Variants in INPP5A observed in about 807,000 individuals in gnomAD.
INPP5A encodes inositol polyphosphate-5-phosphatase A, also known as 43 kDa inositol polyphosphate 5-phophatase.
INPP5A carries 14 observed loss-of-function variants against 65.2 expected under a neutral mutation model. The ratio of observed to expected loss-of-function variants is 0.21; its 90% CI spans 0.14 to 0.34. The LOEUF (loss-of-function observed/expected upper bound fraction) is 0.34. Ranked by LOEUF, INPP5A falls within the 10% of genes least tolerant of loss-of-function variation. The pLI is 1.00. For missense variants in INPP5A, 431 were observed against 545.6 expected, an observed-to-expected ratio of 0.79 and a Z score of 2.09; for synonymous variants, 207 against 208.3, an observed-to-expected ratio of 0.99 and a Z score of 0.05.
chr10:132,633,937 A>G (rs1427375549), intron 2 of INPP5A, among the ~76,000 whole-genome samples: 1 of 152,240 alleles, frequency 6.6e-6, no homozygotes, highest in East Asian at 1.9e-4. Flanking sequence ...GTTCTGCTTC[A>G]GACCCCTCCA....
intron 2 of INPP5A, among the ~76,000 whole-genome samples, chr10:132,617,615 T>C (rs1195428851): frequency 6.6e-6 from 1 of 152,208 alleles, no homozygotes; most frequent in Admixed American, 6.5e-5. Flanking sequence ...ACCTTCTTCC[T>C]GTTGACAAAG....
intron 11 of INPP5A, among the ~76,000 whole-genome samples, chr10:132,760,003 C>T (rs1000191039): frequency 6.6e-6 from 1 of 152,258 alleles, no homozygotes; most frequent in Admixed American, 6.5e-5. Flanking sequence ...GACCCCACGC[C>T]GTGGACCCTG....
chr10:132,684,712 C>T (rs2073093365), intron 4 of INPP5A, among the ~76,000 whole-genome samples: 1 of 152,230 alleles, frequency 6.6e-6, no homozygotes, highest in African/African-American at 2.4e-5. Context: ...TGCTTTCACC[C>T]TAATGAGGAC....
At chr10:132,713,035 C>T (rs574050130) in intron 8 of INPP5A, among the ~76,000 whole-genome samples, 21 of 148,174 alleles carry the variant, frequency 1.4e-4, no homozygotes, top group South Asian at 4.3e-4. Context: ...TGTATGTGTG[C>T]GTGTGTGTGG....
At chr10:132,708,497 C>T (rs536594928) in intron 7 of INPP5A, 132 bp downstream of exon 7, 12 of 860,970 alleles carry the variant, frequency 1.4e-5, no homozygotes, top group East Asian at 2.4e-5. Context: ...CTGCCTGACC[C>T]CCACCTGCCA....
intron 11 of INPP5A, among the ~76,000 whole-genome samples, chr10:132,750,685 G>A (rs1038502811): frequency 6.6e-6 from 1 of 152,214 alleles, no homozygotes; most frequent in Non-Finnish European, 1.5e-5. Context: ...CTGTAAACAC[G>A]CCCACTGTGG....
chr10:132,594,846 C>T (rs1313181917), intron 1 of INPP5A, among the ~76,000 whole-genome samples: 1 of 152,168 alleles, frequency 6.6e-6, no homozygotes, highest in Non-Finnish European at 1.5e-5. Context: ...GTATGAGGTT[C>T]TCCATGGTTC....
At chr10:132,636,346 A>G (rs2072352624) in intron 2 of INPP5A, among the ~76,000 whole-genome samples, 1 of 152,186 alleles carries the variant, frequency 6.6e-6, no homozygotes, top group Non-Finnish European at 1.5e-5. Flanking sequence ...GGAGTGAGGG[A>G]TGAGAGTCAC....
chr10:132,666,197 A>G (rs934842621), intron 4 of INPP5A, among the ~76,000 whole-genome samples: 1 of 152,138 alleles, frequency 6.6e-6, no homozygotes, highest in Admixed American at 6.5e-5. Flanking sequence ...TTACTTCCTC[A>G]CTATGATTCA....
intron 1 of INPP5A, among the ~76,000 whole-genome samples, chr10:132,597,015 A>T (rs1590856608): frequency 1.7e-5 from 2 of 117,172 alleles, no homozygotes; most frequent in African/African-American, 7.2e-5. Context: ...ACGCTCCTGT[A>T]CGTGTGTGCA....
chr10:132,615,720 C>T (rs776032984), intron 2 of INPP5A, among the ~76,000 whole-genome samples: 1 of 152,160 alleles, frequency 6.6e-6, no homozygotes, highest in African/African-American at 2.4e-5. Context: ...GAGGTGGGCA[C>T]CCTTGCTTGA....
intron 1 of INPP5A, among the ~76,000 whole-genome samples, chr10:132,586,970 G>T (rs1409574148): frequency 6.6e-6 from 1 of 152,118 alleles, no homozygotes; most frequent in East Asian, 1.9e-4. Flanking sequence ...TTCATCATCT[G>T]TCGGCTTCTG....
intron 1 of INPP5A, among the ~76,000 whole-genome samples, chr10:132,564,983 A>G (rs1004578360): frequency 1.8e-4 from 28 of 152,342 alleles, no homozygotes; most frequent in African/African-American, 6.5e-4. Context: ...CAGTACCAAC[A>G]CCAACAAGCC....
chr10:132,721,791 G>A (rs1008223410), intron 8 of INPP5A, among the ~76,000 whole-genome samples: 8 of 152,088 alleles, frequency 5.3e-5, no homozygotes, highest in Admixed American at 2.6e-4. Context: ...GCTGTCTTGC[G>A]GGTTCTGTGG....
chr10:132,733,357 TA>T, intron 9 of INPP5A, among the ~76,000 whole-genome samples: 1 of 152,204 alleles, frequency 6.6e-6, no homozygotes, highest in African/African-American at 2.4e-5. Flanking sequence ...CACTGAACAC[TA>T]GCACAGAAAA....
intron 1 of INPP5A, among the ~76,000 whole-genome samples, chr10:132,588,619 C>G (rs1016077329): frequency 3.9e-5 from 6 of 152,270 alleles, no homozygotes; most frequent in Admixed American, 6.5e-5. Flanking sequence ...AGCGCCCACC[C>G]TGTGTCCCCA....
At chr10:132,596,412 G>A (rs554082806) in intron 1 of INPP5A, among the ~76,000 whole-genome samples, 2 of 151,660 alleles carry the variant, frequency 1.3e-5, no homozygotes, top group Non-Finnish European at 1.5e-5. Context: ...GTGTGTGTGC[G>A]TGTGTGTGCA....
At chr10:132,730,485 T>A (rs918343477) in intron 9 of INPP5A, among the ~76,000 whole-genome samples, 1 of 152,240 alleles carries the variant, frequency 6.6e-6, no homozygotes, top group Non-Finnish European at 1.5e-5. Flanking sequence ...CCTCGGCCGC[T>A]CTGCAGCCCC....
intron 12 of INPP5A, among the ~76,000 whole-genome samples, chr10:132,771,857 C>T (rs1183691879): frequency 9.0e-6 from 1 of 110,564 alleles, no homozygotes; most frequent in Non-Finnish European, 1.8e-5. Context: ...ACGGAGGCCA[C>T]AGCAGCCACC....
Sources: gnomAD v4.1 joint callset for allele counts (sites outside exome capture counted in the v4.1 genomes callset) on GRCh38, gnomAD v4.1.1 for gene constraint, MANE v1.5 for transcripts, NCBI Gene and HGNC (gene_info 2026-07-23, HGNC 2026-07-21) for gene names.